Variants in STX10 observed in about 807,000 individuals in gnomAD.
STX10 encodes syntaxin 10, also known as syntaxin-10.
In STX10, 35 loss-of-function variants were observed where a neutral mutation model predicts 34.1. The ratio of observed to expected loss-of-function variants is 1.03; its 90% CI spans 0.78 to 1.36. The LOEUF (loss-of-function observed/expected upper bound fraction) is 1.36, where lower values mean the gene tolerates loss of function less well. STX10 is among the 40% of genes most tolerant of loss of function. The pLI, the probability that STX10 is intolerant of heterozygous loss-of-function variation, is 0.00. For missense variants in STX10, 361 were observed against 335.5 expected, an observed-to-expected ratio of 1.08 and a Z score of -0.59; for synonymous variants, 155 against 132.9, an observed-to-expected ratio of 1.17 and a Z score of -1.15.
In STX10 at chr19:13,146,426, G is replaced by A. The variant is rs1340739445; in HGVS notation, c.364-1031C>T. Among the ~76,000 whole-genome samples the A allele has an allele frequency of 2.6e-5, 4 of 152,248 alleles. No individual in the cohort carries two copies. The East Asian group carries it at 7.7e-4, about 29-fold the overall frequency. On this transcript the variant is annotated intron_variant, in intron 4 of 7. Coordinates refer to ENST00000587230, the MANE Select transcript of STX10 (RefSeq NM_003765.3). ...ATTTTTGTATTTTTACTAGTGATAG[G>A]GTTTCCCCATGTTGGCCAGGCTGGT... is the stretch of plus-strand genomic sequence containing the variant.
intron 4 of STX10, among the ~76,000 whole-genome samples, chr19:13,146,133 G>A (rs1043343734): frequency 1.3e-5 from 2 of 151,656 alleles, no homozygotes; most frequent in Non-Finnish European, 2.9e-5. Flanking sequence ...GGGGGCGGTG[G>A]TTGCAGTGAG....
chr19:13,146,195 C>CA (rs111677011), intron 4 of STX10, among the ~76,000 whole-genome samples: 2,376 of 136,548 alleles, frequency 0.017, 29 homozygotes, highest in Non-Finnish European at 0.023. Context: ...GACCTTGCCT[C>CA]AAAAAAAAAA....
chr19:13,149,148 A>C, intron 3 of STX10, 57 bp from the exon 4 acceptor site: 843 of 1,463,794 alleles, frequency 5.8e-4, no homozygotes, highest in Non-Finnish European at 7.2e-4. Flanking sequence ...GCGGTGGCTC[A>C]CGCCTGTAAT....
Position 13,145,353 on chromosome 19 carries a change from G to A in STX10, c.406C>T (p.Leu136=), listed in dbSNP as rs372162485. The change falls in exon 5 of 8, where the codon CTG becomes TTG. Residue 136 remains leucine, a synonymous_variant. Coordinates refer to ENST00000587230, the MANE Select transcript of STX10 (RefSeq NM_003765.3). The part of the protein sequence containing the change: ...KPAAQKSPSD[L]LDASAVSATS... ...GCCGAGACTGCGCTGGCATCCAGCA[G>A]GTCGCTGGGTGACTTCTGGGCAGCT... 1.4e-5 allele frequency: 22 copies of A among 1,611,854 alleles called. No individual in the cohort carries two copies. In the African/African-American group the frequency reaches 2.7e-4, roughly 20 times the overall value.
intron 4 of STX10, among the ~76,000 whole-genome samples, chr19:13,146,184 T>G (rs1410650299): frequency 1.4e-5 from 2 of 144,910 alleles, no homozygotes; most frequent in African/African-American, 2.7e-5. Flanking sequence ...GGTGTCAGAG[T>G]GACCTTGCCT....
Position 13,144,685 on chromosome 19 carries a change from G to A in STX10, c.579-14C>T. 6.2e-7 allele frequency: 1 copy of A among 1,613,934 alleles called. No homozygotes were observed. The highest frequency in any genetic ancestry group is 8.5e-7 in the Non-Finnish European group (1 of 1,179,966). On this transcript the variant is annotated splice_polypyrimidine_tract_variant and intron_variant, in intron 6 of 7. Transcript: ENST00000587230. ...GCATCCAGCATGCTGCCAAGAACAGGATGGCATCAGCCCCAGATGGCCCAG... is the reference window on the plus strand; with the variant it reads ...GCATCCAGCATGCTGCCAAGAACAGAATGGCATCAGCCCCAGATGGCCCAG...
Sources: allele counts gnomAD v4.1 joint callset (sites outside exome capture counted in the v4.1 genomes callset), GRCh38; gene constraint gnomAD v4.1.1; transcripts MANE v1.5; gene names NCBI Gene and HGNC (gene_info 2026-07-23, HGNC 2026-07-21).